Variants in ZNF77 observed in about 807,000 individuals in gnomAD.
ZNF77 encodes the protein zinc finger protein 77.
A neutral mutation model predicts 13.5 loss-of-function variants in ZNF77; 15 were observed. That is an observed-to-expected ratio of 1.11 (90% CI 0.74 to 1.71). ZNF77 has a LOEUF of 1.71. Among genes scored for constraint, ZNF77 ranks in the 40% most tolerant of loss-of-function variants. The pLI is 0.00. For missense variants in ZNF77, 717 were observed against 676.4 expected, an observed-to-expected ratio of 1.06 and a Z score of -0.67; for synonymous variants, 282 against 250.0, an observed-to-expected ratio of 1.13 and a Z score of -1.21.
Position 2,936,704 on chromosome 19 carries a change from T to C in ZNF77, c.131A>G (p.Asp44Gly). The C allele has an allele frequency of 6.3e-7, 1 of 1,598,900 alleles. No individual in the cohort carries two copies. Among genetic ancestry groups the C allele is most frequent in the Non-Finnish European group, 8.5e-7 (1 of 1,176,006 alleles). ...ACTGGTTCTAACATAAATGTAACAA[T>C]CTGCAACAATCAATTACACAATTTC... ...LETCRNLASL[D>G]CYIYVRTSGS... The change falls in exon 3 of 4, where the codon GAT (aspartate) becomes GGT (glycine). Residue 44 changes from aspartate to glycine, a missense_variant and splice_region_variant. Coordinates refer to ENST00000314531, the MANE Select transcript of ZNF77 (RefSeq NM_021217.3).
Position 2,933,541 on chromosome 19 carries a change from A to G in ZNF77, c.1586T>C (p.Phe529Ser). 6.2e-7 allele frequency: 1 copy of G among 1,607,302 alleles called. No homozygotes were observed. The highest frequency in any genetic ancestry group is 1.3e-5 in the African/African-American group (1 of 74,926). Reference sequence around the variant, plus strand: ...TGCTTGAAGCGATGCGAGATACCTGAAGGTTTTCCCACACTGCTTGCATTC... The same window carrying G: ...TGCTTGAAGCGATGCGAGATACCTGGAGGTTTTCCCACACTGCTTGCATTC... ...PYECKQCGKT[F>S]RYLASLQAHV... The change falls in exon 4 of 4, where the codon TTC becomes TCC. Residue 529 changes from phenylalanine to serine, a missense_variant. Physicochemically the swap from Phe to Ser is radical, Grantham distance 155. Coordinates refer to ENST00000314531, the MANE Select transcript of ZNF77 (RefSeq NM_021217.3).
chr19:2,942,153 C>A (rs1454822746), intron 1 of ZNF77, among the ~76,000 whole-genome samples: 2 of 150,984 alleles, frequency 1.3e-5, no homozygotes, highest in Non-Finnish European at 2.9e-5. Flanking sequence ...CTCGCTGCAA[C>A]CTCCGCCTCC....
At position 2,934,143 on chromosome 19, in the gene ZNF77, AT is replaced by A. The variant is rs2088372326; in HGVS notation, c.983del (p.His328LeufsTer44). On this transcript the variant is annotated frameshift_variant, in exon 4 of 4. Coordinates refer to ENST00000314531, the MANE Select transcript of ZNF77 (RefSeq NM_021217.3). LOFTEE classifies it low-confidence loss of function (END_TRUNC). Reference protein sequence around the residue: ...HTGEKPCQCKHCGKAFTCYSS... With the variant: ...HTGEKPCQCKXCGKAFTCYSS... ...AGTAACAAGTGAACGCTTTTCCGCA[AT>A]GTTTACACTGACAGGGTTTCTCTCC... 1 of 1,613,094 alleles carries A rather than the reference AT, an allele frequency of 6.2e-7. No homozygotes were observed. Among genetic ancestry groups the A allele is most frequent in the Non-Finnish European group, 8.5e-7 (1 of 1,179,672 alleles).
At chr19:2,936,208 T>G (rs1417161824) in intron 3 of ZNF77, among the ~76,000 whole-genome samples, 2 of 151,852 alleles carry the variant, frequency 1.3e-5, no homozygotes, top group Non-Finnish European at 2.9e-5. Context: ...AGTGCAATGG[T>G]GCGATCTCAG....
intron 2 of ZNF77, among the ~76,000 whole-genome samples, chr19:2,938,905 G>A (rs909302109): frequency 1.3e-5 from 2 of 151,462 alleles, no homozygotes; most frequent in Admixed American, 6.6e-5. Flanking sequence ...GCAGTGAGCC[G>A]AGATCGTGCC....
chr19:2,944,947 C>T lies in ZNF77; in HGVS notation c.-107G>A. ...GCCGCTCGGGGTAGGCGGGGAAGCG[C>T]GCAAGGCAGAGGGGAACTCGGCTTA... On this transcript the variant is annotated 5_prime_UTR_variant, in exon 1 of 4. Coordinates refer to ENST00000314531, the MANE Select transcript of ZNF77 (RefSeq NM_021217.3). 4.3e-6 allele frequency: 6 copies of T among 1,400,470 alleles called. No homozygotes were observed. Among genetic ancestry groups the T allele is most frequent in the Non-Finnish European group, 5.6e-6 (6 of 1,064,162 alleles). 86.8% of individuals were successfully genotyped at this position (1,400,470 alleles called of 1,614,324 possible).
chr19:2,943,598 T>G (rs1285112416), intron 1 of ZNF77, among the ~76,000 whole-genome samples: 1 of 151,090 alleles, frequency 6.6e-6, no homozygotes, highest in Non-Finnish European at 1.5e-5. Context: ...TTCTTGTGTA[T>G]GAAAGTAAAG....
rs756101234 is a variant in ZNF77, at chr19:2,934,769, C to T, written c.358G>A (p.Gly120Arg). The change falls in exon 4 of 4, where the codon GGA becomes AGA. Residue 120 changes from glycine to arginine, a missense_variant. Coordinates refer to ENST00000314531, the MANE Select transcript of ZNF77 (RefSeq NM_021217.3). ...TTCGCAGTCTGGCTCAAGGTCTCTCCGCATTGATGACCTTCATTACTTTCA... is the reference window on the plus strand; with the variant it reads ...TTCGCAGTCTGGCTCAAGGTCTCTCTGCATTGATGACCTTCATTACTTTCA... ...LCESNEGHQCGETLSQTANLL... is the reference protein window; with the variant it reads ...LCESNEGHQCRETLSQTANLL... The T allele has an allele frequency of 1.7e-5, 28 of 1,613,606 alleles. No individual in the cohort carries two copies. In the African/African-American group the frequency reaches 1.7e-4, roughly 10 times the overall value.
At position 2,933,688 on chromosome 19, in the gene ZNF77, T is replaced by C; in HGVS notation, c.1439A>G (p.Gln480Arg). The change falls in exon 4 of 4, where the codon CAA (glutamine) becomes CGA (arginine). Residue 480 changes from glutamine (Q) to arginine (R), a missense_variant. Gln to Arg is a conservative substitution (Grantham distance 43). Transcript: ENST00000314531. ...GKAFSHAQYF[Q>R]KHVRSHSGVK... ...CCCACTGTGTGATCTCACATGCTTT[T>C]GAAAGTACTGAGCGTGGCTGAAGGC... 6.2e-7 allele frequency: 1 copy of C among 1,612,018 alleles called. No homozygotes were observed. The highest frequency in any genetic ancestry group is 8.5e-7 in the Non-Finnish European group (1 of 1,178,538).
chr19:2,940,918 T>C (rs754159310), intron 1 of ZNF77, among the ~76,000 whole-genome samples: 4 of 152,150 alleles, frequency 2.6e-5, no homozygotes, highest in Non-Finnish European at 5.9e-5. Flanking sequence ...CTCAGGCCTA[T>C]ACTCCCAGCA....
chr19:2,936,144 G>C (rs1387348460), intron 3 of ZNF77, among the ~76,000 whole-genome samples: 1 of 151,914 alleles, frequency 6.6e-6, no homozygotes, highest in Non-Finnish European at 1.5e-5. Context: ...AAATTGTGTA[G>C]TTGGTTTATA....
chr19:2,942,165 C>G (rs8107436), intron 1 of ZNF77, among the ~76,000 whole-genome samples: 53,271 of 151,076 alleles, frequency 0.35, 9,571 homozygotes, highest in Middle Eastern at 0.47. Flanking sequence ...TCCGCCTCCC[C>G]GGTTCAAGCG....
chr19:2,940,300 G>A (rs1393348226), intron 1 of ZNF77, among the ~76,000 whole-genome samples: 1 of 151,904 alleles, frequency 6.6e-6, no homozygotes, highest in Admixed American at 6.6e-5. Context: ...AAGACAGGCA[G>A]ATCACTTGAG....
At chr19:2,934,848 G>A in intron 3 of ZNF77, 33 bp from the exon 4 acceptor site, 1 of 1,573,054 alleles carries the variant, frequency 6.4e-7, no homozygotes, top group Non-Finnish European at 8.6e-7. Flanking sequence ...TACTAGTCAT[G>A]AATGACTATA....
In ZNF77 at chr19:2,936,876, A is replaced by G. The variant is rs142524563; in HGVS notation, c.131-172T>C. 6.9e-3 allele frequency among the ~76,000 whole-genome samples: 1,050 copies of G among 152,288 alleles called. 7 individuals are homozygous for G. The highest frequency in any genetic ancestry group is 0.012 in the Non-Finnish European group (802 of 68,028). Reference sequence around the variant, plus strand: ...ACCTCATCTACTTGAGAATTTGGCAATAATAAAAAGCAGATGAGCCGGGTG... The same window carrying G: ...ACCTCATCTACTTGAGAATTTGGCAGTAATAAAAAGCAGATGAGCCGGGTG... On this transcript the variant is annotated intron_variant, in intron 2 of 3. Transcript: ENST00000314531.
Position 2,934,608 on chromosome 19 carries a change from G to A in ZNF77, c.519C>T (p.Cys173=), listed in dbSNP as rs2088379254. Residue 173 remains cysteine (C), a synonymous_variant, in exon 4 of 4, where the codon TGC becomes TGT. Transcript: ENST00000314531. ...TCATAGGAGGGCTTTGGCAGGAGAG[G>A]CAGCTGCAGGCTTGCCCACATTCCT... ...PCKECGQACS[C]LSCQSPPMKT... 6.2e-7 allele frequency: 1 copy of A among 1,614,116 alleles called. No individual in the cohort carries two copies. The highest frequency in any genetic ancestry group is 1.3e-5 in the African/African-American group (1 of 75,028).
At chr19:2,936,056 T>G (rs2088393659) in intron 3 of ZNF77, among the ~76,000 whole-genome samples, 1 of 146,496 alleles carries the variant, frequency 6.8e-6, no homozygotes, top group South Asian at 2.1e-4. Flanking sequence ...TAAAATAAAA[T>G]AAATAAAAGT....
rs148296729 is a variant in ZNF77, at chr19:2,935,420, C to T, written c.312-605G>A. Among the ~76,000 whole-genome samples, 1,377 of 150,364 alleles carry T rather than the reference C, an allele frequency of 9.2e-3. 22 individuals carry two copies. The highest frequency in any genetic ancestry group is 0.032 in the African/African-American group (1,318 of 40,688). ...GCAACCTCCACCTCCCAGGTTCAAG[C>T]GATACTCCTGCCTCAGCCTCCCAAG... is the stretch of plus-strand genomic sequence containing the variant. On this transcript the variant is annotated intron_variant, in intron 3 of 3. Transcript: ENST00000314531.
intron 1 of ZNF77, among the ~76,000 whole-genome samples, chr19:2,941,122 C>T (rs1342221480): frequency 6.7e-6 from 1 of 149,540 alleles, no homozygotes; most frequent in Non-Finnish European, 1.5e-5. Flanking sequence ...CTGTAGTGAG[C>T]CACGATGTCA....
Sources: gnomAD v4.1 joint callset for allele counts (sites outside exome capture counted in the v4.1 genomes callset) on GRCh38, gnomAD v4.1.1 for gene constraint, MANE v1.5 for transcripts, NCBI Gene and HGNC (gene_info 2026-07-23, HGNC 2026-07-21) for gene names.